VAMP7: variants seen among roughly 807,000 people sequenced by gnomAD.
VAMP7 encodes the protein vesicle associated membrane protein 7.
Under a neutral mutation model 29.6 loss-of-function variants are expected in VAMP7, and 14 were observed. That is an observed-to-expected ratio of 0.47 (90% confidence interval 0.31 to 0.74). The LOEUF (loss-of-function observed/expected upper bound fraction) is 0.74, where lower values mean the gene tolerates loss of function less well. Ranked by LOEUF, VAMP7 falls within the 30% of genes least tolerant of loss-of-function variation. The pLI is 0.05. For missense variants in VAMP7, 223 were observed against 262.4 expected (o/e 0.85, Z 1.04); for synonymous variants, 95 against 88.1 (o/e 1.08, Z -0.44).
In VAMP7 at chrX:155,919,805, A is replaced by G; in HGVS notation, c.434-8A>G. 12 of 1,608,882 alleles carry G rather than the reference A, an allele frequency of 7.5e-6. No individual in the cohort carries two copies. The highest frequency in any genetic ancestry group is 1.0e-5 in the Non-Finnish European group (12 of 1,178,364). On this transcript the variant is annotated splice_region_variant and splice_polypyrimidine_tract_variant and intron_variant, in intron 5 of 7. Coordinates refer to ENST00000286448, the MANE Select transcript of VAMP7 (RefSeq NM_005638.6). ...ACTTGACCTTTTCTACTTTTCCAAT[A>G]TTTTCAGATCTGGTAGCTCAGCGAG...
rs775888277 is a variant in VAMP7 at position 155,932,872 on chromosome X, G to A, written c.502-6829G>A. ...CATAGCTCTTATTATTTTGAAATAC[G>A]TCCCATCAATACCTAATTTATTGAG... is the stretch of plus-strand genomic sequence containing the variant. On this transcript the variant is annotated intron_variant, in intron 6 of 7. Transcript: ENST00000286448. Among the ~76,000 whole-genome samples, 5 of 152,148 alleles carry A rather than the reference G, an allele frequency of 3.3e-5. No individual in the cohort carries two copies. The East Asian group carries it at 5.8e-4, about 18-fold the overall frequency.
At position 155,942,214 on chromosome X, in the gene VAMP7, T is replaced by C; in HGVS notation, c.*263T>C. The stretch of plus-strand genomic sequence containing the variant: ...TTTATTTCTTTGGTTTGTTAACTAG[T>C]GTCATCTATTTAGAGAAACATTTTT... On this transcript the variant is annotated 3_prime_UTR_variant, in exon 8 of 8. Coordinates refer to ENST00000286448, the MANE Select transcript of VAMP7 (RefSeq NM_005638.6). 6.0e-6 allele frequency: 9 copies of C among 1,501,350 alleles called. No individual in the cohort carries two copies. The highest frequency in any genetic ancestry group is 7.1e-6 in the Non-Finnish European group (8 of 1,121,914). 93.0% of individuals were successfully genotyped at this position (1,501,350 alleles called of 1,614,324 possible). A position where few individuals can be genotyped will look rare whatever the true frequency, so the allele number is the denominator to read the frequency against.
chrX:155,917,337 C>T (rs1050953321), intron 5 of VAMP7, among the ~76,000 whole-genome samples: 20 of 152,030 alleles, frequency 1.3e-4, no homozygotes, highest in African/African-American at 4.8e-4. Context: ...TGTTATTATC[C>T]ACCTTCTGAA....
intron 6 of VAMP7, among the ~76,000 whole-genome samples, chrX:155,930,651 CAAA>C (rs1042491098): frequency 7.1e-6 from 1 of 141,404 alleles, no homozygotes; most frequent in South Asian, 2.2e-4. Flanking sequence ...ACCTCCATCT[CAAA>C]AAAAAAAAAA....
rs781180032 is a variant in VAMP7 at position 155,942,167 on chromosome X, A to G, written c.*216A>G. ...TTCAGATTGAACCATTCATTGCAGC[A>G]GTAGCCTTAAAAAGGCTTTTGTTTA... On this transcript the variant is annotated 3_prime_UTR_variant, in exon 8 of 8. Coordinates refer to ENST00000286448, the MANE Select transcript of VAMP7 (RefSeq NM_005638.6). 6.5e-7 allele frequency: 1 copy of G among 1,543,812 alleles called. No individual in the cohort carries two copies. Among genetic ancestry groups the G allele is most frequent in the South Asian group, 1.2e-5 (1 of 82,978 alleles).
chrX:155,925,460 T>G (rs2066454436), intron 6 of VAMP7, among the ~76,000 whole-genome samples: 2 of 152,138 alleles, frequency 1.3e-5, no homozygotes, highest in Admixed American at 1.3e-4. Flanking sequence ...ATTTAGAAAG[T>G]TTATTTTGCC....
At chrX:155,883,717 T>A (rs1297528853) in intron 1 of VAMP7, among the ~76,000 whole-genome samples, 9 of 148,946 alleles carry the variant, frequency 6.0e-5, no homozygotes, top group Non-Finnish European at 1.0e-4. Context: ...CTTTTTTTTT[T>A]TTTTTTTTTT....
rs7890384 is a variant in VAMP7, at chrX:155,914,507, A to G, written c.434-5306A>G. Among the ~76,000 whole-genome samples the G allele has an allele frequency of 7.2e-3, 1,095 of 152,230 alleles. 16 individuals carry two copies. The highest frequency in any genetic ancestry group is 0.025 in the African/African-American group (1,047 of 41,536). On this transcript the variant is annotated intron_variant, in intron 5 of 7. Transcript: ENST00000286448. ...GATATTGGATGTGGGTTTGTCATAA[A>G]TAGTTCTTATTATTTTGAGATGCAT...
At chrX:155,900,390 A>G in intron 4 of VAMP7, 107 bp from the exon 5 acceptor site, 1 of 831,016 alleles carries the variant, frequency 1.2e-6, no homozygotes, top group Non-Finnish European at 1.9e-6. Flanking sequence ...ATCAATAGAG[A>G]CATAATTTTA....
At chrX:155,938,568 A>C (rs1279331936) in intron 6 of VAMP7, among the ~76,000 whole-genome samples, 3 of 152,248 alleles carry the variant, frequency 2.0e-5, no homozygotes, top group African/African-American at 7.2e-5. Flanking sequence ...GAGCACGAAC[A>C]GTACCCCAGA....
At chrX:155,884,734 A>G (rs1166459132) in intron 1 of VAMP7, among the ~76,000 whole-genome samples, 1 of 152,218 alleles carries the variant, frequency 6.6e-6, no homozygotes, top group East Asian at 1.9e-4. Context: ...GAATATTCTT[A>G]TACATTTTTC....
intron 6 of VAMP7, among the ~76,000 whole-genome samples, chrX:155,936,560 AGG>A (rs2066659900): frequency 6.6e-6 from 1 of 152,194 alleles, no homozygotes; most frequent in Non-Finnish European, 1.5e-5. Context: ...GCGCAGTATT[AGG>A]GTGGGAGTGA....
At chrX:155,926,954 G>A (rs186754276) in intron 6 of VAMP7, among the ~76,000 whole-genome samples, 8 of 152,194 alleles carry the variant, frequency 5.3e-5, no homozygotes, top group East Asian at 3.9e-4. Flanking sequence ...ACATTTATCC[G>A]TTAGCTCCGT....
intron 5 of VAMP7, among the ~76,000 whole-genome samples, chrX:155,900,986 G>A (rs1212840058): frequency 6.6e-6 from 1 of 151,978 alleles, no homozygotes; most frequent in Non-Finnish European, 1.5e-5. Context: ...TAAGGAGCTT[G>A]CTGAAGAATG....
At chrX:155,917,777 A>T (rs945123412) in intron 5 of VAMP7, among the ~76,000 whole-genome samples, 2 of 152,122 alleles carry the variant, frequency 1.3e-5, no homozygotes, top group Non-Finnish European at 2.9e-5. Flanking sequence ...GTCAGGAGGC[A>T]TGGAGCTCAG....
chrX:155,927,606 C>T (rs1299230694), intron 6 of VAMP7, among the ~76,000 whole-genome samples: 3 of 151,058 alleles, frequency 2.0e-5, no homozygotes, highest in East Asian at 1.9e-4. Context: ...TTTCAGTGTA[C>T]GATTTTGTTT....
At chrX:155,931,452 T>G (rs1304454169) in intron 6 of VAMP7, among the ~76,000 whole-genome samples, 2 of 152,204 alleles carry the variant, frequency 1.3e-5, no homozygotes, top group Non-Finnish European at 2.9e-5. Context: ...TGCATTTCTC[T>G]GATGGCCAGT....
chrX:155,926,849 T>G (rs369611996), intron 6 of VAMP7, among the ~76,000 whole-genome samples: 1 of 152,150 alleles, frequency 6.6e-6, no homozygotes, highest in African/African-American at 2.4e-5. Context: ...AGGTTATTAA[T>G]TGGCCAAATT....
intron 5 of VAMP7, 45 bp from the exon 6 acceptor site, chrX:155,919,768 C>T (rs762691936): frequency 2.6e-6 from 4 of 1,534,446 alleles, no homozygotes; most frequent in Non-Finnish European, 2.7e-6. Context: ...TTATTTTATT[C>T]TACAATGGAA....
Sources: allele counts gnomAD v4.1 joint callset (sites outside exome capture counted in the v4.1 genomes callset), GRCh38; gene constraint gnomAD v4.1.1; transcripts MANE v1.5; gene names NCBI Gene and HGNC (gene_info 2026-07-23, HGNC 2026-07-21).